CDK15: variants seen among roughly 807,000 people sequenced by gnomAD.
The protein encoded by CDK15 is cyclin-dependent kinase 15.
Under a neutral mutation model 60.3 loss-of-function variants are expected in CDK15, and 62 were observed. The ratio of observed to expected loss-of-function variants is 1.03; its 90% CI spans 0.84 to 1.27. CDK15 has a LOEUF of 1.27. Among genes scored for constraint, CDK15 ranks in the 50% most tolerant of loss-of-function variants. The pLI, the probability that CDK15 is intolerant of heterozygous loss-of-function variation, is 0.00. For missense variants in CDK15, 541 were observed against 527.8 expected, an observed-to-expected ratio of 1.03 and a Z score of -0.25; for synonymous variants, 194 against 195.7, an observed-to-expected ratio of 0.99 and a Z score of 0.07.
chr2:201,833,105 G>C (rs1696828768), intron 6 of CDK15, among the ~76,000 whole-genome samples: 1 of 151,698 alleles, frequency 6.6e-6, no homozygotes, highest in South Asian at 2.1e-4. Context: ...TTTTTAATTT[G>C]GGGCTCAGAA....
At chr2:201,841,886 C>T (rs1030396706) in intron 8 of CDK15, among the ~76,000 whole-genome samples, 1 of 152,184 alleles carries the variant, frequency 6.6e-6, no homozygotes, top group Non-Finnish European at 1.5e-5. Context: ...TTTCTGCTAC[C>T]TTTTCAGACC....
At chr2:201,843,817 C>A (rs527694362) in intron 8 of CDK15, among the ~76,000 whole-genome samples, 1 of 152,076 alleles carries the variant, frequency 6.6e-6, no homozygotes, top group South Asian at 2.1e-4. Flanking sequence ...ATGGTACTTA[C>A]GTAATGGCCT....
At chr2:201,823,544 C>A in intron 5 of CDK15, 121 bp from the exon 6 acceptor site, 3 of 890,792 alleles carry the variant, frequency 3.4e-6, no homozygotes, top group Non-Finnish European at 5.5e-6. Context: ...CCTTTTGCAC[C>A]TTATTCTTAA....
At chr2:201,825,312 CA>C (rs200857853) in intron 6 of CDK15, among the ~76,000 whole-genome samples, 5,118 of 86,896 alleles carry the variant, frequency 0.059, 61 homozygotes, top group African/African-American at 0.068. Flanking sequence ...GACTCCAACT[CA>C]AAAAAAAAAA....
chr2:201,892,183 A>C (rs1025015781), intron 13 of CDK15, among the ~76,000 whole-genome samples: 2 of 152,234 alleles, frequency 1.3e-5, no homozygotes, highest in Non-Finnish European at 2.9e-5. Context: ...TAGAATTACA[A>C]TTGGTGATAT....
At chr2:201,809,476 C>T (rs887574494) in intron 3 of CDK15, among the ~76,000 whole-genome samples, 1 of 152,168 alleles carries the variant, frequency 6.6e-6, no homozygotes, top group Non-Finnish European at 1.5e-5. Context: ...TATTAGATCT[C>T]ACGAATACTT....
At chr2:201,852,881 CTT>C (rs1267331126) in intron 9 of CDK15, among the ~76,000 whole-genome samples, 2 of 152,266 alleles carry the variant, frequency 1.3e-5, no homozygotes, top group East Asian at 3.9e-4. Flanking sequence ...ATTAAAAAAA[CTT>C]TTTTTAGTAT....
At position 201,833,890 on chromosome 2, in the gene CDK15, C is replaced by CACCA. The variant is rs1696885407; in HGVS notation, c.652_655dup (p.His219ProfsTer25). 6.2e-7 allele frequency: 1 copy of CACCA among 1,613,984 alleles called. No individual in the cohort carries two copies. Among genetic ancestry groups the CACCA allele is most frequent in the African/African-American group, 1.3e-5 (1 of 74,994 alleles). On this transcript the variant is annotated frameshift_variant, in exon 7 of 14. Transcript: ENST00000652192. LOFTEE classifies it high-confidence loss of function. Reference sequence around the variant, plus strand: ...TTTGCGGGGCCTGGCGTACATCCACCACCAACACGTTCTTCACAGGGACCT... The same window carrying CACCA: ...TTTGCGGGGCCTGGCGTACATCCACCACCAACCAACACGTTCTTCACAGGGACCT...
chr2:201,872,908 T>C (rs1698912530), intron 11 of CDK15, among the ~76,000 whole-genome samples: 1 of 152,180 alleles, frequency 6.6e-6, no homozygotes. Flanking sequence ...TAACCAGTAT[T>C]ATTTGATCTG....
chr2:201,881,804 C>T (rs1161638060), intron 12 of CDK15, among the ~76,000 whole-genome samples: 1 of 152,130 alleles, frequency 6.6e-6, no homozygotes, highest in Non-Finnish European at 1.5e-5. Context: ...CCAGTCCAAG[C>T]CCCTAGATTG....
At chr2:201,821,240 T>C (rs1203848664) in intron 4 of CDK15, among the ~76,000 whole-genome samples, 7 of 152,080 alleles carry the variant, frequency 4.6e-5, no homozygotes, top group Admixed American at 4.6e-4. Flanking sequence ...TGCCTGTCTC[T>C]GAACCAATCA....
At chr2:201,847,240 T>A in intron 8 of CDK15, 141 bp from the exon 9 acceptor site, 1 of 744,344 alleles carries the variant, frequency 1.3e-6, no homozygotes, top group South Asian at 2.3e-5. Context: ...GGGACTTTTT[T>A]TTTGGCCCAA....
intron 7 of CDK15, 71 bp downstream of exon 7, chr2:201,834,042 G>C (rs759089256): frequency 3.0e-4 from 467 of 1,549,038 alleles, no homozygotes; most frequent in Middle Eastern, 3.9e-4. Flanking sequence ...TTTAAGCGTT[G>C]ACTGGGCCTG....
intron 10 of CDK15, among the ~76,000 whole-genome samples, chr2:201,867,829 T>G (rs1698693535): frequency 6.6e-6 from 1 of 152,162 alleles, no homozygotes. Flanking sequence ...AGATTAACAC[T>G]TACTGAGCCC....
chr2:201,862,898 T>C (rs1486647815), intron 10 of CDK15, among the ~76,000 whole-genome samples: 1 of 152,220 alleles, frequency 6.6e-6, no homozygotes, highest in Admixed American at 6.5e-5. Context: ...CAAATGATTA[T>C]GTCTTTCCAC....
chr2:201,895,043 C>T lies in CDK15; in HGVS notation c.*1776C>T, dbSNP rs1028376493. ...ATAATGCTAGTACCAATCGAAAGCT[C>T]AGGGATGCTACTGTTGACGCATCAG... On this transcript the variant is annotated 3_prime_UTR_variant, in exon 14 of 14. Transcript: ENST00000652192. 6.6e-6 allele frequency: 1 copy of T among 152,164 alleles called. No homozygotes were observed. Among genetic ancestry groups the T allele is most frequent in the Admixed American group, 6.5e-5 (1 of 15,272 alleles). 9.4% of individuals were successfully genotyped at this position (152,164 alleles called of 1,614,324 possible). A position where few individuals can be genotyped will look rare whatever the true frequency, so the allele number is the denominator to read the frequency against.
At chr2:201,873,276 G>C (rs1450601474) in intron 11 of CDK15, among the ~76,000 whole-genome samples, 1 of 152,170 alleles carries the variant, frequency 6.6e-6, no homozygotes, top group Non-Finnish European at 1.5e-5. Context: ...GGAGGGACAG[G>C]TATCTCCAGG....
intron 10 of CDK15, among the ~76,000 whole-genome samples, chr2:201,867,205 A>G (rs1353510029): frequency 2.0e-5 from 3 of 152,228 alleles, no homozygotes. Flanking sequence ...GAGTTGTTAC[A>G]GATGAGGAAA....
At chr2:201,863,003 G>A (rs191245432) in intron 10 of CDK15, among the ~76,000 whole-genome samples, 16 of 152,148 alleles carry the variant, frequency 1.1e-4, no homozygotes, top group African/African-American at 2.9e-4. Context: ...AGCCTCCCTC[G>A]CTACAGCTAA....
Sources: gnomAD v4.1 joint callset for allele counts (sites outside exome capture counted in the v4.1 genomes callset) on GRCh38, gnomAD v4.1.1 for gene constraint, MANE v1.5 for transcripts, NCBI Gene and HGNC (gene_info 2026-07-23, HGNC 2026-07-21) for gene names.